Variants in GTPBP10 observed in about 807,000 individuals in gnomAD.
GTPBP10 encodes the protein GTP binding protein 10.
In GTPBP10, 38 loss-of-function variants were observed where a neutral mutation model predicts 44.8. The observed-to-expected ratio is 0.85, with a 90% CI of 0.65 to 1.11. GTPBP10 has a LOEUF of 1.11. Among genes scored for constraint, GTPBP10 ranks in the 50% most tolerant of loss-of-function variants. The pLI is 0.00. For missense variants in GTPBP10, 462 were observed against 453.7 expected, an observed-to-expected ratio of 1.02 and a Z score of -0.17; for synonymous variants, 152 against 150.6, an observed-to-expected ratio of 1.01 and a Z score of -0.07.
Position 90,385,210 on chromosome 7 carries a change from C to A in GTPBP10, c.*56C>A. On this transcript the variant is annotated 3_prime_UTR_variant, in exon 10 of 10. Coordinates refer to ENST00000222511, the MANE Select transcript of GTPBP10 (RefSeq NM_033107.4). ...ATTTAATGCTTAAAAACAAGGAAAT[C>A]CTTTCATCTGTGACAACCTGGAGGA... 7.8e-7 allele frequency: 1 copy of A among 1,279,428 alleles called. No homozygotes were observed. The highest frequency in any genetic ancestry group is 1.1e-6 in the Non-Finnish European group (1 of 934,504). 79.3% of individuals were successfully genotyped at this position (1,279,428 alleles called of 1,614,324 possible).
At chr7:90,358,397 CATGGTATTGACAG>C (rs1442258760) in intron 4 of GTPBP10, among the ~76,000 whole-genome samples, 5 of 152,098 alleles carry the variant, frequency 3.3e-5, no homozygotes, top group Non-Finnish European at 5.9e-5. Context: ...ACCAAAACAG[CATGGTATTGACAG>C]AGAAGTAGGT....
chr7:90,378,198 T>A lies in GTPBP10; in HGVS notation c.764T>A (p.Ile255Lys), dbSNP rs1428194008. ...TQYRTAFETI[I>K]LLTKELELYK... ...TACAGGACAGCTTTTGAAACCATAATACTGCTTACAAAAGTAGGTTTTCTG... is the reference window on the plus strand; with the variant it reads ...TACAGGACAGCTTTTGAAACCATAAAACTGCTTACAAAAGTAGGTTTTCTG... Residue 255 changes from isoleucine (I) to lysine (K), a missense_variant, in exon 8 of 10, where the codon ATA becomes AAA. Physicochemically the swap from Ile to Lys is moderately radical, Grantham distance 102. Transcript: ENST00000222511. 3 of 1,612,686 alleles carry A rather than the reference T, an allele frequency of 1.9e-6. No homozygotes were observed.
rs1473391244 is a variant in GTPBP10, at chr7:90,390,465, C to A, written c.*5311C>A. ...TGGGAGATTTCAGAGAAAGTAATCACCTTTGTATATATTATTAATGTGTTT... is the reference window on the plus strand; with the variant it reads ...TGGGAGATTTCAGAGAAAGTAATCAACTTTGTATATATTATTAATGTGTTT... On this transcript the variant is annotated 3_prime_UTR_variant, in exon 10 of 10. Transcript: ENST00000222511. 3 of 152,022 alleles carry A rather than the reference C, an allele frequency of 2.0e-5. No homozygotes were observed. The highest frequency in any genetic ancestry group is 3.8e-4 in the East Asian group (2 of 5,198). The allele number at this position is 152,022 out of a possible 1,614,324, so 9.4% of individuals were successfully genotyped here.
At chr7:90,380,779 A>T (rs988810578) in intron 8 of GTPBP10, among the ~76,000 whole-genome samples, 42 of 152,130 alleles carry the variant, frequency 2.8e-4, no homozygotes, top group Non-Finnish European at 2.9e-5. Context: ...GTTCCATTTG[A>T]CCAACACCCC....
intron 4 of GTPBP10, among the ~76,000 whole-genome samples, chr7:90,358,676 A>G (rs1023347890): frequency 2.0e-5 from 3 of 152,216 alleles, no homozygotes; most frequent in African/African-American, 4.8e-5. Flanking sequence ...ACACTTAGGA[A>G]AAACCCTTCT....
At chr7:90,364,243 G>GT (rs953101919) in intron 4 of GTPBP10, among the ~76,000 whole-genome samples, 17 of 152,102 alleles carry the variant, frequency 1.1e-4, no homozygotes, top group Non-Finnish European at 2.1e-4. Flanking sequence ...TTTCTGCTCT[G>GT]TTTTTTTCCC....
chr7:90,374,958 T>C (rs766538662), intron 6 of GTPBP10, among the ~76,000 whole-genome samples: 5 of 152,220 alleles, frequency 3.3e-5, no homozygotes, highest in Non-Finnish European at 5.9e-5. Flanking sequence ...TTATTTGTAA[T>C]TACCAAACCT....
chr7:90,369,395 C>T (rs1461691849), intron 4 of GTPBP10, among the ~76,000 whole-genome samples: 1 of 152,190 alleles, frequency 6.6e-6, no homozygotes, highest in Non-Finnish European at 1.5e-5. Context: ...ATATGCCCTG[C>T]CCAGAGAGGT....
intron 4 of GTPBP10, among the ~76,000 whole-genome samples, chr7:90,368,253 T>G (rs1014043465): frequency 1.3e-5 from 2 of 152,200 alleles, no homozygotes; most frequent in African/African-American, 4.8e-5. Flanking sequence ...CTGACAATTA[T>G]GTGTCTTGCG....
At chr7:90,363,607 T>G (rs1387121614) in intron 4 of GTPBP10, among the ~76,000 whole-genome samples, 1 of 152,208 alleles carries the variant, frequency 6.6e-6, no homozygotes, top group Non-Finnish European at 1.5e-5. Flanking sequence ...CTGACAATTA[T>G]GTGTCTTTGA....
chr7:90,384,963 T>C lies in GTPBP10; in HGVS notation c.973T>C (p.Ser325Pro), dbSNP rs1357765927. 6.2e-7 allele frequency: 1 copy of C among 1,613,066 alleles called. No homozygotes were observed. The highest frequency in any genetic ancestry group is 8.5e-7 in the Non-Finnish European group (1 of 1,179,298). ...TVEFQHIIPI[S>P]AVTGEGIEEL... The stretch of plus-strand genomic sequence containing the variant: ...AGAGTTCCAACATATCATCCCCATA[T>C]CTGCAGTTACTGGAGAAGGAATCGA... Residue 325 changes from serine (S) to proline (P), a missense_variant, in exon 10 of 10, where the codon TCT becomes CCT. Transcript: ENST00000222511.
At chr7:90,377,760 T>G (rs1399245932) in intron 7 of GTPBP10, 146 bp downstream of exon 7, 1 of 622,258 alleles carries the variant, frequency 1.6e-6, no homozygotes, top group Non-Finnish European at 2.7e-6. Context: ...AGTGACATTG[T>G]TTACTATATC....
chr7:90,369,559 G>T, intron 4 of GTPBP10, among the ~76,000 whole-genome samples: 1 of 152,206 alleles, frequency 6.6e-6, no homozygotes, highest in East Asian at 1.9e-4. Flanking sequence ...GCAGCTCATG[G>T]CAGGTCAATC....
chr7:90,367,254 T>A (rs189181478), intron 4 of GTPBP10, among the ~76,000 whole-genome samples: 96 of 152,326 alleles, frequency 6.3e-4, no homozygotes, highest in Non-Finnish European at 1.2e-4. Context: ...GAAGAATATA[T>A]ATTCTGTCGA....
chr7:90,362,920 T>C (rs539956000), intron 4 of GTPBP10, among the ~76,000 whole-genome samples: 1 of 152,310 alleles, frequency 6.6e-6, no homozygotes, highest in East Asian at 1.9e-4. Context: ...TCTTTGTTGG[T>C]TTAAAGTCTG....
At position 90,383,031 on chromosome 7, in the gene GTPBP10, G is replaced by A. The variant is rs1286551525; in HGVS notation, c.853G>A (p.Ala285Thr). ...AGTTAATAAAATGGACTTGCCAGATGCCCAAGATAAGTTCCATGAATTGAT... is the reference window on the plus strand; with the variant it reads ...AGTTAATAAAATGGACTTGCCAGATACCCAAGATAAGTTCCATGAATTGAT... Reference protein sequence around the residue: ...LAVNKMDLPDAQDKFHELMSQ... With the variant: ...LAVNKMDLPDTQDKFHELMSQ... The change falls in exon 9 of 10, where the codon GCC (alanine) becomes ACC (threonine). Residue 285 changes from alanine (A) to threonine (T), a missense_variant. By Grantham distance (58) the Ala-to-Thr change is moderately conservative. Coordinates refer to ENST00000222511, the MANE Select transcript of GTPBP10 (RefSeq NM_033107.4). The A allele has an allele frequency of 6.3e-7, 1 of 1,596,512 alleles. No individual in the cohort carries two copies. Among genetic ancestry groups the A allele is most frequent in the Non-Finnish European group, 8.6e-7 (1 of 1,168,750 alleles).
chr7:90,366,888 A>G (rs898337859), intron 4 of GTPBP10, among the ~76,000 whole-genome samples: 1 of 152,186 alleles, frequency 6.6e-6, no homozygotes. Flanking sequence ...TAGGGTGTCC[A>G]TTTTAGATCC....
At chr7:90,381,720 A>G (rs1286882149) in intron 8 of GTPBP10, among the ~76,000 whole-genome samples, 1 of 152,252 alleles carries the variant, frequency 6.6e-6, no homozygotes, top group East Asian at 1.9e-4. Context: ...CAGTAGACAC[A>G]TAAACCAATG....
At chr7:90,353,259 A>G in intron 2 of GTPBP10, 1 of 306,842 alleles carries the variant, frequency 3.3e-6, no homozygotes, top group Non-Finnish European at 5.9e-6. Flanking sequence ...CCCCTGTAGA[A>G]ACCGATAATT....
Sources: allele counts gnomAD v4.1 joint callset (sites outside exome capture counted in the v4.1 genomes callset), GRCh38; gene constraint gnomAD v4.1.1; transcripts MANE v1.5; gene names NCBI Gene and HGNC (gene_info 2026-07-23, HGNC 2026-07-21).